Variants in ATF6 observed in about 807,000 individuals in gnomAD.
ATF6 encodes activating transcription factor 6, also known as cyclic AMP-dependent transcription factor ATF-6 alpha.
In ATF6, 53 loss-of-function variants were observed where a neutral mutation model predicts 83.6. That is an observed-to-expected ratio of 0.63 (90% CI 0.51 to 0.80). The LOEUF (loss-of-function observed/expected upper bound fraction) is 0.80. Among genes scored for constraint, ATF6 ranks in the 30% least tolerant of loss-of-function variants. ATF6 has a pLI of 0.00. For missense variants in ATF6, 744 were observed against 797.9 expected, an observed-to-expected ratio of 0.93 and a Z score of 0.81; for synonymous variants, 288 against 285.8, an observed-to-expected ratio of 1.01 and a Z score of -0.08.
chr1:161,897,674 A>T (rs1687703226), intron 14 of ATF6, among the ~76,000 whole-genome samples: 1 of 152,180 alleles, frequency 6.6e-6, no homozygotes, highest in African/African-American at 2.4e-5. Flanking sequence ...ACTAGTCTTG[A>T]AATGTAGCTA....
intron 6 of ATF6, among the ~76,000 whole-genome samples, chr1:161,801,638 A>G (rs1685151892): frequency 6.6e-6 from 1 of 152,068 alleles, no homozygotes; most frequent in Non-Finnish European, 1.5e-5. Context: ...TATTGTATGC[A>G]TTTGTAAATC....
chr1:161,815,603 TAC>T (rs768769143), intron 7 of ATF6, among the ~76,000 whole-genome samples: 3 of 152,098 alleles, frequency 2.0e-5, no homozygotes, highest in African/African-American at 7.2e-5. Context: ...TATAATAACT[TAC>T]AGTGTTTATC....
At chr1:161,829,936 G>A (rs1216127005) in intron 9 of ATF6, among the ~76,000 whole-genome samples, 1 of 152,060 alleles carries the variant, frequency 6.6e-6, no homozygotes, top group Non-Finnish European at 1.5e-5. Context: ...TCAACATAGT[G>A]TTGGAAGTTC....
intron 1 of ATF6, among the ~76,000 whole-genome samples, chr1:161,770,740 T>C (rs1459354446): frequency 6.6e-6 from 1 of 152,238 alleles, no homozygotes; most frequent in Non-Finnish European, 1.5e-5. Context: ...GAAGCACATC[T>C]TGGTTGCTTC....
intron 1 of ATF6, among the ~76,000 whole-genome samples, chr1:161,775,830 C>T (rs945097781): frequency 2.6e-5 from 4 of 151,980 alleles, no homozygotes. Context: ...ATTTTCATTG[C>T]TACTGGGATG....
intron 14 of ATF6, among the ~76,000 whole-genome samples, chr1:161,893,095 G>T (rs560522810): frequency 2.6e-5 from 4 of 152,202 alleles, no homozygotes; most frequent in Non-Finnish European, 5.9e-5. Context: ...ACTGCACTGT[G>T]AGTCTATTCT....
intron 6 of ATF6, 104 bp downstream of exon 6, chr1:161,792,431 G>A (rs147314116): frequency 7.1e-6 from 8 of 1,126,220 alleles, no homozygotes; most frequent in Admixed American, 4.0e-5. Context: ...AGCACGTGCT[G>A]TTTGTCAGGA....
chr1:161,791,589 G>C, intron 5 of ATF6, 52 bp downstream of exon 5: 1 of 1,528,674 alleles, frequency 6.5e-7, no homozygotes, highest in Non-Finnish European at 8.7e-7. Flanking sequence ...TTGAGCTTAG[G>C]TTCCATTTCT....
intron 14 of ATF6, among the ~76,000 whole-genome samples, chr1:161,907,867 A>G (rs900171719): frequency 5.3e-5 from 8 of 152,222 alleles, no homozygotes; most frequent in African/African-American, 1.7e-4. Flanking sequence ...CTCACAAATC[A>G]GCAACCATAA....
Position 161,860,202 on chromosome 1 carries a change from TC to T in ATF6, c.1534-3del. 6.3e-7 allele frequency: 1 copy of T among 1,575,868 alleles called. No individual in the cohort carries two copies. The highest frequency in any genetic ancestry group is 1.2e-5 in the South Asian group (1 of 84,768). Reference sequence around the variant, plus strand: ...ATTAAACTTTTTTTTTTTTTAATATTCCAGGGTGCTCTGGAACAGGGCTCAA... The same window carrying T: ...ATTAAACTTTTTTTTTTTTTAATATTCAGGGTGCTCTGGAACAGGGCTCAA... On this transcript the variant is annotated splice_region_variant and splice_polypyrimidine_tract_variant and intron_variant, in intron 12 of 15. Coordinates refer to ENST00000367942, the MANE Select transcript of ATF6 (RefSeq NM_007348.4).
chr1:161,788,636 T>C (rs1557960520), intron 4 of ATF6, among the ~76,000 whole-genome samples: 1 of 152,048 alleles, frequency 6.6e-6, no homozygotes, highest in African/African-American at 2.4e-5. Context: ...AGCACAGAGG[T>C]ATTCTGCATT....
At position 161,961,912 on chromosome 1, in the gene ATF6, G is replaced by A. The variant is rs1214328112; in HGVS notation, c.*3258G>A. The A allele has an allele frequency of 1.3e-5, 2 of 152,186 alleles. No individual in the cohort carries two copies. Among genetic ancestry groups the A allele is most frequent in the Non-Finnish European group, 2.9e-5 (2 of 68,024 alleles). The allele number at this position is 152,186 out of a possible 1,614,324, so 9.4% of individuals were successfully genotyped here. ...GTTAGGAGCTTGTCCCTTTGGGGTT[G>A]ACTTATGCCCAGCAGTACAGGGACA... On this transcript the variant is annotated 3_prime_UTR_variant, in exon 16 of 16. Coordinates refer to ENST00000367942, the MANE Select transcript of ATF6 (RefSeq NM_007348.4).
At position 161,873,436 on chromosome 1, in the gene ATF6, T is replaced by C. The variant is rs556353450; in HGVS notation, c.1719+10124T>C. Among the ~76,000 whole-genome samples, 179 of 151,716 alleles carry C rather than the reference T, an allele frequency of 1.2e-3. 1 individual carries two copies. The Middle Eastern group carries it at 0.014, about 12-fold the overall frequency. On this transcript the variant is annotated intron_variant, in intron 14 of 15. Coordinates refer to ENST00000367942, the MANE Select transcript of ATF6 (RefSeq NM_007348.4). ...ATAATTAGGAAAAATTGATGACTTA[T>C]GATCTGACTCAGGATCAAGGTCTGA...
chr1:161,951,971 G>A (rs111440656), intron 15 of ATF6, among the ~76,000 whole-genome samples: 1 of 152,126 alleles, frequency 6.6e-6, no homozygotes, highest in East Asian at 1.9e-4. Flanking sequence ...GCCATTACTG[G>A]TCTATAATCA....
intron 12 of ATF6, 135 bp downstream of exon 12, chr1:161,853,458 T>C (rs778889101): frequency 9.4e-5 from 65 of 693,946 alleles, no homozygotes; most frequent in Middle Eastern, 4.7e-4. Flanking sequence ...CTGCTTCCGA[T>C]GCAGCTATCA....
At chr1:161,886,431 T>C (rs993567240) in intron 14 of ATF6, among the ~76,000 whole-genome samples, 1 of 152,244 alleles carries the variant, frequency 6.6e-6, no homozygotes, top group African/African-American at 2.4e-5. Flanking sequence ...AGCAATGGGA[T>C]ACATTCTAGG....
At chr1:161,824,482 A>G (rs1685845214) in intron 9 of ATF6, among the ~76,000 whole-genome samples, 1 of 150,822 alleles carries the variant, frequency 6.6e-6, no homozygotes, top group African/African-American at 2.4e-5. Context: ...TGCATTCCCT[A>G]TCGCCTTTCT....
At chr1:161,904,286 G>A (rs1390230180) in intron 14 of ATF6, among the ~76,000 whole-genome samples, 1 of 152,084 alleles carries the variant, frequency 6.6e-6, no homozygotes, top group Non-Finnish European at 1.5e-5. Context: ...CCTTAAAAAT[G>A]CACTTTAAAA....
At chr1:161,871,337 CA>C (rs1050579175) in intron 14 of ATF6, among the ~76,000 whole-genome samples, 1 of 151,042 alleles carries the variant, frequency 6.6e-6, no homozygotes, top group Non-Finnish European at 1.5e-5. Flanking sequence ...TGAAAAAAGG[CA>C]GGAATTAGGG....
Sources: allele counts gnomAD v4.1 joint callset (sites outside exome capture counted in the v4.1 genomes callset), GRCh38; gene constraint gnomAD v4.1.1; transcripts MANE v1.5; gene names NCBI Gene and HGNC (gene_info 2026-07-23, HGNC 2026-07-21).